Variants in RIN2 observed in about 807,000 individuals in gnomAD.
The protein encoded by RIN2 is Ras and Rab interactor 2.
A neutral mutation model predicts 78.0 loss-of-function variants in RIN2; 36 were observed. That is an observed-to-expected ratio of 0.46 (90% CI 0.35 to 0.61). The LOEUF is 0.61. Ranked by LOEUF, RIN2 falls within the 20% of genes least tolerant of loss-of-function variation. RIN2 has a pLI of 0.00. For missense variants in RIN2, 1,087 were observed against 1,159.7 expected (o/e 0.94, Z 0.91); for synonymous variants, 466 against 466.8 (o/e 1.00, Z 0.02).
intron 2 of RIN2, among the ~76,000 whole-genome samples, chr20:19,800,027 C>G (rs774486626): frequency 3.3e-5 from 5 of 152,154 alleles, no homozygotes; most frequent in Non-Finnish European, 5.9e-5. Context: ...TCATCATGGG[C>G]CAAGCACAGC....
chr20:19,776,186 G>T (rs1234506532), intron 1 of RIN2, among the ~76,000 whole-genome samples: 1 of 152,208 alleles, frequency 6.6e-6, no homozygotes. Flanking sequence ...GGAAGTGGGA[G>T]TCGGACATGC....
At chr20:19,940,084 T>A (rs907430829) in intron 4 of RIN2, among the ~76,000 whole-genome samples, 1 of 152,128 alleles carries the variant, frequency 6.6e-6, no homozygotes, top group African/African-American at 2.4e-5. Context: ...ACTCCTGAGT[T>A]CAGGCAATCC....
chr20:19,959,158 G>A (rs2041654921), intron 5 of RIN2, among the ~76,000 whole-genome samples: 1 of 152,184 alleles, frequency 6.6e-6, no homozygotes, highest in Admixed American at 6.5e-5. Flanking sequence ...GATCGAGCGT[G>A]GCTGTATTTC....
intron 2 of RIN2, among the ~76,000 whole-genome samples, chr20:19,845,309 A>G (rs2036744954): frequency 7.3e-6 from 1 of 136,322 alleles, no homozygotes; most frequent in Non-Finnish European, 1.7e-5. Flanking sequence ...GAATTGCCAC[A>G]TTGTCTTCCA....
intron 2 of RIN2, among the ~76,000 whole-genome samples, chr20:19,825,710 C>T (rs2036069966): frequency 1.3e-5 from 2 of 152,220 alleles, no homozygotes; most frequent in Admixed American, 1.3e-4. Context: ...ATTTGGGCAA[C>T]TCTGTCACTG....
At chr20:19,985,143 G>A (rs2042584794) in intron 9 of RIN2, among the ~76,000 whole-genome samples, 1 of 152,184 alleles carries the variant, frequency 6.6e-6, no homozygotes. Flanking sequence ...TGCAGAAAGT[G>A]TACAAACAAA....
intron 2 of RIN2, among the ~76,000 whole-genome samples, chr20:19,849,233 T>C (rs1338049831): frequency 6.6e-6 from 1 of 152,250 alleles, no homozygotes; most frequent in Non-Finnish European, 1.5e-5. Context: ...CAGGTTTTAC[T>C]ATTTTGCCAT....
At chr20:19,964,617 G>A (rs2041878468) in intron 6 of RIN2, among the ~76,000 whole-genome samples, 1 of 152,124 alleles carries the variant, frequency 6.6e-6, no homozygotes, top group African/African-American at 2.4e-5. Flanking sequence ...CCTGTCCTGT[G>A]CTGATACAAT....
chr20:19,807,667 C>A (rs544483376), intron 2 of RIN2, among the ~76,000 whole-genome samples: 66 of 152,152 alleles, frequency 4.3e-4, no homozygotes, highest in Non-Finnish European at 8.7e-4. Context: ...ACACCAGTTG[C>A]CCAAACTTGT....
At chr20:19,896,548 C>A (rs2038737700) in intron 3 of RIN2, among the ~76,000 whole-genome samples, 1 of 152,210 alleles carries the variant, frequency 6.6e-6, no homozygotes. Context: ...CATCACCTGC[C>A]CACTGTCCAG....
intron 3 of RIN2, among the ~76,000 whole-genome samples, chr20:19,892,215 TTA>T (rs2038500842): frequency 6.6e-6 from 1 of 152,182 alleles, no homozygotes; most frequent in Non-Finnish European, 1.5e-5. Context: ...AATTCATTAA[TTA>T]ATTAATTAAT....
intron 2 of RIN2, among the ~76,000 whole-genome samples, chr20:19,854,699 A>G (rs899464559): frequency 6.6e-6 from 1 of 152,152 alleles, no homozygotes; most frequent in Non-Finnish European, 1.5e-5. Context: ...ATTGGTGTAT[A>G]AGAATGCTTG....
chr20:19,911,717 C>T (rs574742774), intron 3 of RIN2, among the ~76,000 whole-genome samples: 33 of 128,298 alleles, frequency 2.6e-4, no homozygotes, highest in Non-Finnish European at 4.1e-4. Flanking sequence ...TCCAAATGGT[C>T]CTGTCTCACT....
chr20:19,988,922 CGT>C (rs1210768882), intron 9 of RIN2, among the ~76,000 whole-genome samples: 6 of 151,718 alleles, frequency 4.0e-5, no homozygotes, highest in South Asian at 4.2e-4. Flanking sequence ...CACACACACG[CGT>C]GCACACACAC....
chr20:19,824,081 G>A, intron 2 of RIN2: 2 of 615,904 alleles, frequency 3.2e-6, no homozygotes, highest in South Asian at 1.9e-5. Flanking sequence ...ATGCACATGT[G>A]CTGAGTTAAT....
chr20:19,927,460 G>A (rs2040269416), intron 3 of RIN2, among the ~76,000 whole-genome samples: 3 of 152,030 alleles, frequency 2.0e-5, no homozygotes, highest in Non-Finnish European at 4.4e-5. Flanking sequence ...TGTTGCCCAG[G>A]CTAGAGTGCA....
intron 2 of RIN2, among the ~76,000 whole-genome samples, chr20:19,852,193 C>T (rs1008048098): frequency 2.0e-5 from 3 of 152,130 alleles, no homozygotes; most frequent in African/African-American, 4.8e-5. Flanking sequence ...TCTGCCTCTA[C>T]GTGGGGAACT....
intron 2 of RIN2, among the ~76,000 whole-genome samples, chr20:19,880,917 A>C (rs765823191): frequency 5.3e-5 from 8 of 152,352 alleles, no homozygotes; most frequent in Non-Finnish European, 1.0e-4. Context: ...AACAGACCGA[A>C]CATATGGCTT....
chr20:19,865,505 G>A (rs1319285864), intron 2 of RIN2, among the ~76,000 whole-genome samples: 3 of 65,066 alleles, frequency 4.6e-5, no homozygotes, highest in Non-Finnish European at 1.0e-4. Context: ...TTTTTTTTTG[G>A]CAACAGTGTC....
Sources: allele counts gnomAD v4.1 joint callset (sites outside exome capture counted in the v4.1 genomes callset), GRCh38; gene constraint gnomAD v4.1.1; transcripts MANE v1.5; gene names NCBI Gene and HGNC (gene_info 2026-07-23, HGNC 2026-07-21).